The following ZNF548 variants were observed in gnomAD, a reference collection of about 807,000 sequenced individuals.
The protein encoded by ZNF548 is zinc finger protein 548.
A neutral mutation model predicts 10.2 loss-of-function variants in ZNF548; 10 were observed. The observed-to-expected ratio is 0.98, with a 90% CI of 0.60 to 1.66. ZNF548 has a LOEUF of 1.66. ZNF548 is among the 40% of genes most tolerant of loss of function. The pLI is 0.00. For synonymous variants in ZNF548, 217 were observed against 223.5 expected (o/e 0.97, Z 0.26); for missense variants, 599 against 657.0 (o/e 0.91, Z 0.97).
In ZNF548 at chr19:57,399,050, T is replaced by C. The variant is rs1568532937; in HGVS notation, c.799T>C (p.Cys267Arg). 3 of 1,614,102 alleles carry C rather than the reference T, an allele frequency of 1.9e-6. No homozygotes were observed. Among genetic ancestry groups the C allele is most frequent in the African/African-American group, 1.3e-5 (1 of 74,922 alleles). ...TCACACTAGTGAAAGGACTTATGAG[T>C]GCAGAGAATGTGGAAAATCCTTTAT... is the stretch of plus-strand genomic sequence containing the variant. ...TVHTSERTYE[C>R]RECGKSFMYN... is the part of the protein sequence containing the mutation. Residue 267 changes from cysteine (C) to arginine (R), a missense_variant, in exon 4 of 4, where the codon TGC becomes CGC. Transcript: ENST00000336128. The surrounding 1 kb of genome is among the most constrained non-coding windows in gnomAD (Gnocchi z 4.0).
At chr19:57,392,640 C>T (rs1027214987) in intron 1 of ZNF548, 1 of 315,708 alleles carries the variant, frequency 3.2e-6, no homozygotes, top group Non-Finnish European at 4.6e-6. Context: ...TTCCATTGAT[C>T]TATGTGTCTA....
intron 1 of ZNF548, among the ~76,000 whole-genome samples, chr19:57,393,736 G>C (rs542046436): frequency 1.4e-4 from 21 of 147,170 alleles, no homozygotes; most frequent in Admixed American, 4.1e-4. Context: ...GGGGAGGGGA[G>C]AAAGTGGTTC....
Position 57,397,113 on chromosome 19 carries a change from G to C in ZNF548, c.117G>C (p.Glu39Asp). Residue 39 changes from glutamate to aspartate, a missense_variant, in exon 3 of 4, where the codon GAG becomes GAC. Glu to Asp is a conservative substitution (Grantham distance 45). Coordinates refer to ENST00000336128, the MANE Select transcript of ZNF548 (RefSeq NM_001172773.2). ...FSQEEWGHLD[E>D]AQRLLYRDVM... ...AGGAGGAGTGGGGGCACCTTGATGA[G>C]GCTCAGAGATTGCTGTACCGTGATG... 1 of 1,613,724 alleles carries C rather than the reference G, an allele frequency of 6.2e-7. No individual in the cohort carries two copies. Among genetic ancestry groups the C allele is most frequent in the Non-Finnish European group, 8.5e-7 (1 of 1,179,792 alleles).
chr19:57,390,159 G>C, intron 1 of ZNF548, 45 bp downstream of exon 1: 1 of 1,601,216 alleles, frequency 6.2e-7, no homozygotes, highest in Non-Finnish European at 8.5e-7. Context: ...GGTCCTCCCA[G>C]TGCTGAAGCC....
rs1025242694 is a variant in ZNF548, at chr19:57,402,698, A to G, written c.*2809A>G. The G allele has an allele frequency of 6.6e-6, 1 of 152,228 alleles. No individual in the cohort carries two copies. The highest frequency in any genetic ancestry group is 2.4e-5 in the African/African-American group (1 of 41,452). 9.4% of individuals were successfully genotyped at this position (152,228 alleles called of 1,614,324 possible). ...GAAAAGTAGAAGTGAAGGCAATGTC[A>G]TCTTTCCTTGTTAACATGATAACTC... On this transcript the variant is annotated 3_prime_UTR_variant, in exon 4 of 4. Coordinates refer to ENST00000336128, the MANE Select transcript of ZNF548 (RefSeq NM_001172773.2).
At chr19:57,391,014 A>G (rs1438146004) in intron 1 of ZNF548, among the ~76,000 whole-genome samples, 1 of 152,128 alleles carries the variant, frequency 6.6e-6, no homozygotes, top group Non-Finnish European at 1.5e-5. Flanking sequence ...TTATATGGAT[A>G]TATTTGCATA....
rs866635143 is a variant in ZNF548 at position 57,390,377 on chromosome 19, C to T, written c.15+263C>T. The T allele has an allele frequency of 1.1e-4, 42 of 396,144 alleles. No individual in the cohort carries two copies. The Middle Eastern group carries it at 2.0e-3, about 19-fold the overall frequency. The allele number at this position is 396,144 out of a possible 1,614,324, so 24.5% of individuals were successfully genotyped here. ...GGAAAGAGAGGGTTTTGTGAATTCT[C>T]GCTTGGAATGGCAACCTGAGCAGCC... is the stretch of plus-strand genomic sequence containing the variant. On this transcript the variant is annotated intron_variant, in intron 1 of 3. Coordinates refer to ENST00000336128, the MANE Select transcript of ZNF548 (RefSeq NM_001172773.2).
chr19:57,399,965 A>G lies in ZNF548; in HGVS notation c.*76A>G. The G allele has an allele frequency of 2.4e-6, 3 of 1,234,590 alleles. No homozygotes were observed. The highest frequency in any genetic ancestry group is 3.3e-6 in the Non-Finnish European group (3 of 909,752). 76.5% of individuals were successfully genotyped at this position (1,234,590 alleles called of 1,614,324 possible). A position where few individuals can be genotyped will look rare whatever the true frequency, so the allele number is the denominator to read the frequency against. On this transcript the variant is annotated 3_prime_UTR_variant, in exon 4 of 4. Transcript: ENST00000336128. This position sits in a 1 kb window ranked among gnomAD's most constrained non-coding sequence, Gnocchi z 4.0. Reference sequence around the variant, plus strand: ...TAATCTCCAGAACATTTTTCCTCTTACCAAGAAGTAAAATGCTGTACCCAT... The same window carrying G: ...TAATCTCCAGAACATTTTTCCTCTTGCCAAGAAGTAAAATGCTGTACCCAT...
intron 1 of ZNF548, among the ~76,000 whole-genome samples, chr19:57,392,126 G>T (rs1363711887): frequency 6.6e-6 from 1 of 151,376 alleles, no homozygotes; most frequent in African/African-American, 2.4e-5. Flanking sequence ...GAGATTTTTT[G>T]TTGTTGTTTT....
rs1445238804 is a variant in ZNF548 at position 57,399,985 on chromosome 19, AC to A, written c.*99del. 35 of 983,854 alleles carry A rather than the reference AC, an allele frequency of 3.6e-5. No individual in the cohort carries two copies. The highest frequency in any genetic ancestry group is 1.4e-4 in the Admixed American group (5 of 35,084). 60.9% of individuals were successfully genotyped at this position (983,854 alleles called of 1,614,324 possible). ...CTCTTACCAAGAAGTAAAATGCTGTACCCATTAACAACAACTCATTCCCCTT... is the reference window on the plus strand; with the variant it reads ...CTCTTACCAAGAAGTAAAATGCTGTACCATTAACAACAACTCATTCCCCTT... On this transcript the variant is annotated 3_prime_UTR_variant, in exon 4 of 4. Transcript: ENST00000336128. This position sits in a 1 kb window ranked among gnomAD's most constrained non-coding sequence, Gnocchi z 4.0.
intron 1 of ZNF548, among the ~76,000 whole-genome samples, chr19:57,393,120 T>G (rs909131996): frequency 6.6e-6 from 1 of 152,098 alleles, no homozygotes; most frequent in African/African-American, 2.4e-5. Flanking sequence ...TCTCTACATG[T>G]CAGGGCTACA....
In ZNF548 at chr19:57,395,263, G is replaced by T. The variant is rs1028983959; in HGVS notation, c.51+1040G>T. On this transcript the variant is annotated intron_variant, in intron 2 of 3. Transcript: ENST00000336128. This position sits in a 1 kb window ranked among gnomAD's most constrained non-coding sequence, Gnocchi z 4.8. The stretch of plus-strand genomic sequence containing the variant: ...GTGTATGTGAGATGGTGGGGTATAG[G>T]AGTGAGAAAGACTTCTGAAGGAGAG... Among the ~76,000 whole-genome samples, 3 of 152,054 alleles carry T rather than the reference G, an allele frequency of 2.0e-5. No homozygotes were observed. The highest frequency in any genetic ancestry group is 4.8e-5 in the African/African-American group (2 of 41,368).
intron 1 of ZNF548, chr19:57,392,663 A>G: frequency 2.0e-6 from 1 of 504,118 alleles, no homozygotes; most frequent in Non-Finnish European, 2.6e-6. Context: ...TCTGCAGTCA[A>G]ATGCTTTACC....
Position 57,398,839 on chromosome 19 carries a change from A to G in ZNF548, c.588A>G (p.Thr196=), listed in dbSNP as rs1284418982. 2 of 1,614,072 alleles carry G rather than the reference A, an allele frequency of 1.2e-6. No individual in the cohort carries two copies. Among genetic ancestry groups the G allele is most frequent in the South Asian group, 1.1e-5 (1 of 91,090 alleles). ...PQSEWKPYRD[T]EDREAFQTGQ... is the part of the protein sequence containing the mutation. ...GCGAGTGGAAGCCATACAGGGACAC[A>G]GAGGACAGAGAAGCCTTTCAGACTG... is the stretch of plus-strand genomic sequence containing the variant. The change falls in exon 4 of 4, where the codon ACA becomes ACG. Residue 196 remains threonine (T), a synonymous_variant. Coordinates refer to ENST00000336128, the MANE Select transcript of ZNF548 (RefSeq NM_001172773.2).
At position 57,394,173 on chromosome 19, in the gene ZNF548, T is replaced by C; in HGVS notation, c.16-15T>C. On this transcript the variant is annotated splice_polypyrimidine_tract_variant and intron_variant, in intron 1 of 3. Coordinates refer to ENST00000336128, the MANE Select transcript of ZNF548 (RefSeq NM_001172773.2). ...CCATGGCTGTCAATTTCTCACGGCC[T>C]TTCTCTTCCCTCAGGGTCCCCTGGC... The C allele has an allele frequency of 1.2e-6, 2 of 1,601,630 alleles. No individual in the cohort carries two copies. The highest frequency in any genetic ancestry group is 1.3e-5 in the African/African-American group (1 of 75,026).
In ZNF548 at chr19:57,399,544, G is replaced by A. The variant is rs755853878; in HGVS notation, c.1293G>A (p.Arg431=). ...ACCAGAGAGTCCACACGGGAGAAAG[G>A]CCTTATGAGTGCAGCGAATGCGGGA... is the stretch of plus-strand genomic sequence containing the variant. ...IRHQRVHTGE[R]PYECSECGKF... Residue 431 remains arginine (R), a synonymous_variant, in exon 4 of 4, where the codon AGG becomes AGA. Coordinates refer to ENST00000336128, the MANE Select transcript of ZNF548 (RefSeq NM_001172773.2). The surrounding 1 kb of genome is among the most constrained non-coding windows in gnomAD (Gnocchi z 4.0). 5.6e-6 allele frequency: 9 copies of A among 1,613,818 alleles called. No homozygotes were observed. The highest frequency in any genetic ancestry group is 2.7e-5 in the African/African-American group (2 of 74,816).
rs1387257333 is a variant in ZNF548, at chr19:57,402,758, G to A, written c.*2869G>A. On this transcript the variant is annotated 3_prime_UTR_variant, in exon 4 of 4. Transcript: ENST00000336128. ...ATGCTTTGGAGATTAGCTTTTTAGG[G>A]AGAGAGCCAGCAGTTGAGCCTCCTG... is the stretch of plus-strand genomic sequence containing the variant. The A allele has an allele frequency of 6.6e-6, 1 of 152,200 alleles. No individual in the cohort carries two copies. The highest frequency in any genetic ancestry group is 6.5e-5 in the Admixed American group (1 of 15,272). The allele number at this position is 152,200 out of a possible 1,614,324, so 9.4% of individuals were successfully genotyped here.
chr19:57,394,433 G>A (rs967301893), intron 2 of ZNF548, among the ~76,000 whole-genome samples: 2 of 152,194 alleles, frequency 1.3e-5, no homozygotes, highest in African/African-American at 4.8e-5. Context: ...TGGGCCTCTT[G>A]GGCACAGGAT....
chr19:57,401,414 T>A lies in ZNF548; in HGVS notation c.*1525T>A, dbSNP rs1432370218. 1.3e-5 allele frequency: 2 copies of A among 152,232 alleles called. No individual in the cohort carries two copies. The highest frequency in any genetic ancestry group is 4.8e-5 in the African/African-American group (2 of 41,466). The allele number at this position is 152,232 out of a possible 1,614,324, so 9.4% of individuals were successfully genotyped here. ...CTATATAGTATAATAAATATTTACA[T>A]AGCATTTACATTGTATTAGAAGTTA... On this transcript the variant is annotated 3_prime_UTR_variant, in exon 4 of 4. Transcript: ENST00000336128.
Sources: gnomAD v4.1 joint callset for allele counts (sites outside exome capture counted in the v4.1 genomes callset) on GRCh38, gnomAD v4.1.1 for gene constraint, Gnocchi (gnomAD v3.1) non-coding constraint, MANE v1.5 for transcripts, NCBI Gene and HGNC (gene_info 2026-07-23, HGNC 2026-07-21) for gene names.